The following GABRA2 variants were observed in gnomAD, a reference collection of about 807,000 sequenced individuals.
GABRA2 encodes gamma-aminobutyric acid receptor subunit alpha-2.
GABRA2 carries 16 observed loss-of-function variants against 48.7 expected under a neutral mutation model. The ratio of observed to expected loss-of-function variants is 0.33; its 90% CI spans 0.22 to 0.50. The LOEUF is 0.50. Among genes scored for constraint, GABRA2 ranks in the 20% least tolerant of loss-of-function variants. The probability of loss-of-function intolerance (pLI) is 0.98; values close to 1 mark genes in which losing one functional copy is unlikely to be tolerated. For synonymous variants in GABRA2, 185 were observed against 184.5 expected (o/e 1.00, Z -0.02); for missense variants, 275 against 535.6 (o/e 0.51, Z 4.80).
At chr4:46,265,984 T>C (rs992556132) in intron 8 of GABRA2, among the ~76,000 whole-genome samples, 1 of 151,992 alleles carries the variant, frequency 6.6e-6, no homozygotes, top group African/African-American at 2.4e-5. Flanking sequence ...CCAAATTGTC[T>C]TTTTTATTGA....
intron 8 of GABRA2, among the ~76,000 whole-genome samples, chr4:46,262,394 T>G (rs1717161965): frequency 6.6e-6 from 1 of 152,144 alleles, no homozygotes; most frequent in African/African-American, 2.4e-5. Context: ...TTCCTTCTTC[T>G]TAAGTACTGT....
At chr4:46,347,351 A>G (rs987338218) in intron 3 of GABRA2, among the ~76,000 whole-genome samples, 14 of 151,928 alleles carry the variant, frequency 9.2e-5, no homozygotes, top group African/African-American at 2.4e-4. Context: ...TACATTATAA[A>G]GTTATAGTAA....
intron 3 of GABRA2, chr4:46,363,791 G>A (rs1296372068): frequency 6.6e-6 from 1 of 152,068 alleles, no homozygotes; most frequent in East Asian, 1.9e-4. Context: ...TACCAATAAT[G>A]CGCTTTAAGA....
At chr4:46,363,781 T>C (rs914339992) in intron 3 of GABRA2, 1 of 152,162 alleles carries the variant, frequency 6.6e-6, no homozygotes, top group African/African-American at 2.4e-5. Context: ...ATTATGAATG[T>C]ACCAATAATG....
chr4:46,289,644 T>G lies in GABRA2; in HGVS notation c.856+13816A>C, dbSNP rs180845329. 3.5e-4 allele frequency among the ~76,000 whole-genome samples: 53 copies of G among 152,046 alleles called. No individual in the cohort carries two copies. In the Middle Eastern group the frequency reaches 0.014, roughly 39 times the overall value. ...TAATGAAATAATCTGCACAACAAAC[T>G]CCCATGACACAAGTGTACCTGTATA... On this transcript the variant is annotated intron_variant, in intron 8 of 9. Coordinates refer to ENST00000381620, the MANE Select transcript of GABRA2 (RefSeq NM_000807.4).
At chr4:46,282,563 TC>T (rs1342568533) in intron 8 of GABRA2, among the ~76,000 whole-genome samples, 2 of 152,136 alleles carry the variant, frequency 1.3e-5, no homozygotes, top group Non-Finnish European at 2.9e-5. Context: ...ATTCTGAAAT[TC>T]CCTTCAAACA....
chr4:46,325,401 C>G (rs1291585790), intron 4 of GABRA2, among the ~76,000 whole-genome samples: 1 of 151,866 alleles, frequency 6.6e-6, no homozygotes, highest in Non-Finnish European at 1.5e-5. Flanking sequence ...AATGTCCTTT[C>G]ATGTCCTTTT....
intron 3 of GABRA2, among the ~76,000 whole-genome samples, chr4:46,332,883 G>A (rs1335408881): frequency 6.6e-6 from 1 of 152,038 alleles, no homozygotes; most frequent in Non-Finnish European, 1.5e-5. Flanking sequence ...ACTGCAAAAT[G>A]CATAGAAGTA....
intron 6 of GABRA2, among the ~76,000 whole-genome samples, chr4:46,309,480 G>A (rs189623209): frequency 3.9e-5 from 6 of 152,096 alleles, no homozygotes; most frequent in African/African-American, 9.6e-5. Context: ...AGCTGTGTTC[G>A]TGGATTTATG....
At chr4:46,280,495 T>G (rs1560469660) in intron 8 of GABRA2, among the ~76,000 whole-genome samples, 1 of 152,288 alleles carries the variant, frequency 6.6e-6, no homozygotes, top group East Asian at 1.9e-4. Flanking sequence ...CTTACTGATT[T>G]CTGAAGAGTC....
At chr4:46,277,823 C>A (rs2109442798) in intron 8 of GABRA2, among the ~76,000 whole-genome samples, 1 of 152,300 alleles carries the variant, frequency 6.6e-6, no homozygotes, top group African/African-American at 2.4e-5. Flanking sequence ...TATTCAGTCC[C>A]AGTTGAAGGT....
intron 8 of GABRA2, among the ~76,000 whole-genome samples, chr4:46,263,845 G>A (rs907262385): frequency 2.0e-5 from 3 of 151,558 alleles, no homozygotes; most frequent in African/African-American, 7.3e-5. Context: ...ATATTTGGTA[G>A]TAATGCCATT....
intron 4 of GABRA2, among the ~76,000 whole-genome samples, chr4:46,313,990 A>C (rs1201749762): frequency 6.6e-6 from 1 of 152,184 alleles, no homozygotes; most frequent in Non-Finnish European, 1.5e-5. Context: ...CTAACAAGTG[A>C]AAATCCTAGG....
chr4:46,363,900 T>C (rs1207094364), intron 3 of GABRA2: 1 of 152,192 alleles, frequency 6.6e-6, no homozygotes, highest in African/African-American at 2.4e-5. Flanking sequence ...AACTTTTCCA[T>C]AGCAATTTTA....
intron 3 of GABRA2, among the ~76,000 whole-genome samples, chr4:46,335,470 T>A (rs1732060890): frequency 6.6e-6 from 1 of 152,050 alleles, no homozygotes; most frequent in African/African-American, 2.4e-5. Context: ...TGATCACTCT[T>A]TTTTTGTTGT....
chr4:46,251,479 C>T (rs1714744097), intron 9 of GABRA2, among the ~76,000 whole-genome samples: 1 of 151,344 alleles, frequency 6.6e-6, no homozygotes, highest in South Asian at 2.1e-4. Flanking sequence ...TACTTTCTTG[C>T]TTTGGTGCCA....
chr4:46,336,201 G>A (rs1732208681), intron 3 of GABRA2, among the ~76,000 whole-genome samples: 1 of 152,066 alleles, frequency 6.6e-6, no homozygotes, highest in Admixed American at 6.6e-5. Flanking sequence ...GTAGAATATC[G>A]ATCTTTTTCC....
intron 8 of GABRA2, among the ~76,000 whole-genome samples, chr4:46,293,408 T>TTTTCTCC (rs1724044839): frequency 6.6e-6 from 1 of 152,102 alleles, no homozygotes; most frequent in East Asian, 1.9e-4. Flanking sequence ...GAAAGGCAAA[T>TTTTCTCC]AATCAGACAT....
intron 3 of GABRA2, among the ~76,000 whole-genome samples, chr4:46,348,872 A>T (rs1034408363): frequency 1.3e-5 from 2 of 151,760 alleles, no homozygotes; most frequent in Non-Finnish European, 2.9e-5. Flanking sequence ...ACATGTATAC[A>T]TATGTAACAA....
Sources: allele counts gnomAD v4.1 joint callset (sites outside exome capture counted in the v4.1 genomes callset), GRCh38; gene constraint gnomAD v4.1.1; transcripts MANE v1.5; gene names NCBI Gene and HGNC (gene_info 2026-07-23, HGNC 2026-07-21).